Variants in NXN observed in about 807,000 individuals in gnomAD.
NXN encodes the protein nucleoredoxin, also known as nucleoredoxin 1.
NXN carries 16 observed loss-of-function variants against 48.6 expected under a neutral mutation model. That is an observed-to-expected ratio of 0.33 (90% CI 0.22 to 0.50). The LOEUF (loss-of-function observed/expected upper bound fraction) is 0.50. Among genes scored for constraint, NXN ranks in the 20% least tolerant of loss-of-function variants. NXN has a pLI of 0.98. For synonymous variants in NXN, 281 were observed against 269.6 expected (o/e 1.04, Z -0.41); for missense variants, 492 against 605.5 (o/e 0.81, Z 1.97).
intron 5 of NXN, among the ~76,000 whole-genome samples, chr17:818,840 G>A (rs914231632): frequency 2.7e-5 from 4 of 149,658 alleles, no homozygotes; most frequent in Non-Finnish European, 4.4e-5. Flanking sequence ...AGCGGAGATC[G>A]CACCACTGCA....
chr17:861,326 G>A (rs950412157), intron 1 of NXN, among the ~76,000 whole-genome samples: 5 of 152,124 alleles, frequency 3.3e-5, no homozygotes, highest in African/African-American at 7.2e-5. Context: ...TAGAGACGGG[G>A]TTTCACCATG....
chr17:924,386 A>T (rs1332524345), intron 1 of NXN, among the ~76,000 whole-genome samples: 2 of 152,148 alleles, frequency 1.3e-5, no homozygotes, highest in East Asian at 1.9e-4. Flanking sequence ...GCAAGGCGTG[A>T]GCCACTACGT....
intron 1 of NXN, among the ~76,000 whole-genome samples, chr17:885,435 C>G (rs1244529294): frequency 6.6e-6 from 1 of 151,536 alleles, no homozygotes; most frequent in Non-Finnish European, 1.5e-5. Flanking sequence ...GGAGATCGCA[C>G]CACTACACTC....
intron 1 of NXN, among the ~76,000 whole-genome samples, chr17:885,580 C>T (rs2068335733): frequency 6.6e-6 from 1 of 150,698 alleles, no homozygotes; most frequent in African/African-American, 2.5e-5. Flanking sequence ...AGCCAGGAAT[C>T]ATCTCTGGAA....
rs76916275 is a variant in NXN, at chr17:862,545, C to T, written c.361-36467G>A. ...TCTCTTAAAACAAATAAAACAGATT[C>T]ATGAAAGAATCATCACATATCAGTG... On this transcript the variant is annotated intron_variant, in intron 1 of 7. Transcript: ENST00000336868. 8.5e-3 allele frequency among the ~76,000 whole-genome samples: 1,299 copies of T among 152,268 alleles called. 14 individuals carry two copies. The highest frequency in any genetic ancestry group is 0.029 in the African/African-American group (1,209 of 41,546).
At chr17:817,768 T>G (rs1401765802) in intron 5 of NXN, among the ~76,000 whole-genome samples, 1 of 151,610 alleles carries the variant, frequency 6.6e-6, no homozygotes, top group East Asian at 1.9e-4. Context: ...TCTGTAACCC[T>G]AGGAGTGCTG....
At chr17:970,066 C>T (rs1383753771) in intron 1 of NXN, among the ~76,000 whole-genome samples, 1 of 152,126 alleles carries the variant, frequency 6.6e-6, no homozygotes, top group Non-Finnish European at 1.5e-5. Context: ...TGATGTAGTT[C>T]ATACAAAAAT....
chr17:852,711 C>T (rs1782989489), intron 1 of NXN, among the ~76,000 whole-genome samples: 1 of 152,138 alleles, frequency 6.6e-6, no homozygotes, highest in Admixed American at 6.5e-5. Context: ...GGGGCCAGGT[C>T]CCCCTGCACG....
At chr17:826,263 C>T (rs191942394) in intron 1 of NXN, among the ~76,000 whole-genome samples, 185 bp from the exon 2 acceptor site, 1 of 152,018 alleles carries the variant, frequency 6.6e-6, no homozygotes, top group African/African-American at 2.4e-5. Context: ...CACTGCCCCC[C>T]GGGGTCTGTG....
chr17:925,535 C>A (rs1485722916), intron 1 of NXN, among the ~76,000 whole-genome samples: 2 of 152,190 alleles, frequency 1.3e-5, no homozygotes, highest in African/African-American at 4.8e-5. Context: ...ATTACAGGCG[C>A]CCGCCACCAT....
chr17:950,237 T>A lies in NXN; in HGVS notation c.360+29082A>T, dbSNP rs60343977. 3.1e-3 allele frequency among the ~76,000 whole-genome samples: 467 copies of A among 152,146 alleles called. 2 individuals carry two copies. The highest frequency in any genetic ancestry group is 0.011 in the African/African-American group (439 of 41,504). The stretch of plus-strand genomic sequence containing the variant: ...AGTAAAGCTGGTGCCTGTTCGCCCC[T>A]TTCCCCTCCAGGCAGGAAAGAATCA... On this transcript the variant is annotated intron_variant, in intron 1 of 7. Transcript: ENST00000336868.
chr17:915,253 G>C (rs2068676526), intron 1 of NXN, among the ~76,000 whole-genome samples: 2 of 152,024 alleles, frequency 1.3e-5, no homozygotes, highest in African/African-American at 4.8e-5. Context: ...TTTTATAGTT[G>C]AGAATAAGTG....
intron 1 of NXN, among the ~76,000 whole-genome samples, chr17:922,693 C>T (rs2068760300): frequency 6.6e-6 from 1 of 151,772 alleles, no homozygotes; most frequent in Non-Finnish European, 1.5e-5. Context: ...GCTCAGTTGC[C>T]CAGGCTGGAG....
intron 7 of NXN, among the ~76,000 whole-genome samples, chr17:802,262 T>C (rs582615): frequency 0.66 from 99,545 of 151,890 alleles, 33,046 homozygotes; most frequent in East Asian, 0.83. Flanking sequence ...GCTGGGACTC[T>C]AGCCATGCAG....
chr17:849,365 T>G lies in NXN; in HGVS notation c.361-23287A>C, dbSNP rs1388197080. Among the ~76,000 whole-genome samples the G allele has an allele frequency of 1.3e-5, 2 of 152,136 alleles. No individual in the cohort carries two copies. The highest frequency in any genetic ancestry group is 2.9e-5 in the Non-Finnish European group (2 of 68,028). On this transcript the variant is annotated intron_variant, in intron 1 of 7. Coordinates refer to ENST00000336868, the MANE Select transcript of NXN (RefSeq NM_022463.5). The surrounding 1 kb of genome is among the most constrained non-coding windows in gnomAD (Gnocchi z 4.2). ...CTGGCAAACAGGGTGAAATCTCATCTCTACTAAAAATACAAAAATTAGCTG... is the reference window on the plus strand; with the variant it reads ...CTGGCAAACAGGGTGAAATCTCATCGCTACTAAAAATACAAAAATTAGCTG...
At chr17:955,184 C>G (rs2150622151) in intron 1 of NXN, among the ~76,000 whole-genome samples, 1 of 131,284 alleles carries the variant, frequency 7.6e-6, no homozygotes. Flanking sequence ...TTTTTTTTTC[C>G]TGAGACAGAG....
chr17:895,845 C>A (rs2068478412), intron 1 of NXN, among the ~76,000 whole-genome samples: 1 of 137,246 alleles, frequency 7.3e-6, no homozygotes, highest in Admixed American at 7.6e-5. Flanking sequence ...TAATTTTTCC[C>A]AACATCATTA....
rs988219063 is a variant in NXN, at chr17:826,047, T to C, written c.392A>G (p.Asn131Ser). 10 of 1,613,934 alleles carry C rather than the reference T, an allele frequency of 6.2e-6. No individual in the cohort carries two copies. The highest frequency in any genetic ancestry group is 6.8e-6 in the Non-Finnish European group (8 of 1,179,854). Residue 131 changes from asparagine (N) to serine (S), a missense_variant, in exon 2 of 8, where the codon AAC becomes AGC. Coordinates refer to ENST00000336868, the MANE Select transcript of NXN (RefSeq NM_022463.5). The stretch of plus-strand genomic sequence containing the variant: ...GTCGAGGAATATTAGTGATGGAATG[T>C]TGGAAATTCGGTATTTGTTCCAAAG... ...LKLWNKYRISNIPSLIFLDAT... is the reference protein window; with the variant it reads ...LKLWNKYRISSIPSLIFLDAT...
chr17:841,378 C>T lies in NXN; in HGVS notation c.361-15300G>A, dbSNP rs73975566. On this transcript the variant is annotated intron_variant, in intron 1 of 7. Transcript: ENST00000336868. ...GCTGGGACCCAGAGCAGCCCACACA[C>T]GGTGCATCTCACGCCGGCGAGCAGG... is the stretch of plus-strand genomic sequence containing the variant. Among the ~76,000 whole-genome samples the T allele has an allele frequency of 5.2e-3, 704 of 136,286 alleles. 23 individuals carry two copies. The highest frequency in any genetic ancestry group is 0.02 in the African/African-American group (651 of 33,056). 89.4% of individuals were successfully genotyped at this position (136,286 alleles called of 152,430 possible). A position where few individuals can be genotyped will look rare whatever the true frequency, so the allele number is the denominator to read the frequency against.
Sources: gnomAD v4.1 joint callset for allele counts (sites outside exome capture counted in the v4.1 genomes callset) on GRCh38, gnomAD v4.1.1 for gene constraint, Gnocchi (gnomAD v3.1) non-coding constraint, MANE v1.5 for transcripts, NCBI Gene and HGNC (gene_info 2026-07-23, HGNC 2026-07-21) for gene names.